Variants in LAMB4 observed in about 807,000 individuals in gnomAD.
LAMB4 encodes laminin subunit beta-4.
LAMB4 carries 196 observed loss-of-function variants against 199.2 expected under a neutral mutation model. That is an observed-to-expected ratio of 0.98 (90% CI 0.88 to 1.11). The LOEUF (loss-of-function observed/expected upper bound fraction) is 1.11. Ranked by LOEUF, LAMB4 falls within the 50% of genes least tolerant of loss-of-function variation. The pLI, the probability that LAMB4 is intolerant of heterozygous loss-of-function variation, is 0.00. For synonymous variants in LAMB4, 744 were observed against 770.6 expected (o/e 0.97, Z 0.57); for missense variants, 2,080 against 2,171.2 (o/e 0.96, Z 0.83).
In LAMB4 at chr7:108,095,269, A is replaced by G; in HGVS notation, c.1429T>C (p.Cys477Arg). Residue 477 changes from cysteine (C) to arginine (R), a missense_variant, in exon 12 of 34, where the codon TGC (cysteine) becomes CGC (arginine). By Grantham distance (180) the Cys-to-Arg change is radical. Coordinates refer to ENST00000388781, the MANE Select transcript of LAMB4 (RefSeq NM_007356.3). ...TCDVDTGQCLCLSYVTGAHCE... is the reference protein window; with the variant it reads ...TCDVDTGQCLRLSYVTGAHCE... ...TGTGCTCCGGTGACATATGACAGGC[A>G]CAAGCATTGGCCTGTATCCACATCA... The G allele has an allele frequency of 6.2e-7, 1 of 1,614,050 alleles. No homozygotes were observed. Among genetic ancestry groups the G allele is most frequent in the Non-Finnish European group, 8.5e-7 (1 of 1,179,970 alleles).
intron 14 of LAMB4, among the ~76,000 whole-genome samples, chr7:108,081,029 G>A (rs754354786): frequency 1.3e-5 from 2 of 152,190 alleles, no homozygotes; most frequent in Non-Finnish European, 2.9e-5. Flanking sequence ...GGCTAAGACA[G>A]GAGAATCGCT....
rs1420119289 is a variant in LAMB4, at chr7:108,055,930, C to G, written c.3457G>C (p.Val1153Leu). ...CAGCGATCACATCTCTGGCCGCTGA[C>G]ACCCTCCCGGCAGCGGCACATGCCT... is the stretch of plus-strand genomic sequence containing the variant. ...DTGMCRCREG[V>L]SGQRCDRCAR... is the part of the protein sequence containing the mutation. Residue 1153 changes from valine (V) to leucine (L), a missense_variant, in exon 25 of 34, where the codon GTC (valine) becomes CTC (leucine). By Grantham distance (32) the Val-to-Leu change is conservative. Coordinates refer to ENST00000388781, the MANE Select transcript of LAMB4 (RefSeq NM_007356.3). 1 of 1,614,204 alleles carries G rather than the reference C, an allele frequency of 6.2e-7. No homozygotes were observed. The highest frequency in any genetic ancestry group is 8.5e-7 in the Non-Finnish European group (1 of 1,180,018).
At chr7:108,123,785 CTGTACTAACAAA>C (rs1318582344) in intron 1 of LAMB4, among the ~76,000 whole-genome samples, 3 of 152,216 alleles carry the variant, frequency 2.0e-5, no homozygotes, top group Non-Finnish European at 4.4e-5. Context: ...AGGCATCTTT[CTGTACTAACAAA>C]TGCACTTTTA....
chr7:108,072,113 G>A lies in LAMB4; in HGVS notation c.2125-2228C>T, dbSNP rs149300030. 2.7e-4 allele frequency among the ~76,000 whole-genome samples: 41 copies of A among 152,258 alleles called. No homozygotes were observed. In the South Asian group the frequency reaches 8.1e-3, roughly 30 times the overall value. ...CATTTAGAAGGTTGCAGTCAGAAAC[G>A]TGGGACATTCTCACAAAATGGCCCT... On this transcript the variant is annotated intron_variant, in intron 17 of 33. Transcript: ENST00000388781.
At position 108,128,694 on chromosome 7, in the gene LAMB4, C is replaced by T. The variant is rs564138254; in HGVS notation, c.-34+1612G>A. ...ATAAAACCCACAGCTGCACATACAG[C>T]GCAATATCAGAAAATGTGGTAACCC... On this transcript the variant is annotated intron_variant, in intron 1 of 33. Coordinates refer to ENST00000388781, the MANE Select transcript of LAMB4 (RefSeq NM_007356.3). Among the ~76,000 whole-genome samples the T allele has an allele frequency of 2.6e-5, 4 of 152,292 alleles. No individual in the cohort carries two copies. The East Asian group carries it at 5.8e-4, about 22-fold the overall frequency.
intron 28 of LAMB4, among the ~76,000 whole-genome samples, chr7:108,046,918 TTTATTA>T (rs952847676): frequency 2.7e-5 from 4 of 150,932 alleles, no homozygotes; most frequent in Admixed American, 2.0e-4. Context: ...ATATATTTCT[TTTATTA>T]TTATTATTAT....
At chr7:108,062,731 C>T (rs1212661161) in intron 23 of LAMB4, 43 bp downstream of exon 23, 1 of 1,132,028 alleles carries the variant, frequency 8.8e-7, no homozygotes, top group Non-Finnish European at 1.2e-6. Context: ...GTCTCACTAT[C>T]ATGCTCACTT....
At chr7:108,084,981 C>A (rs2037114251) in intron 14 of LAMB4, among the ~76,000 whole-genome samples, 1 of 151,806 alleles carries the variant, frequency 6.6e-6, no homozygotes, top group Admixed American at 6.6e-5. Context: ...TCAAGTAATC[C>A]TCCCATCTCA....
intron 3 of LAMB4, among the ~76,000 whole-genome samples, chr7:108,114,164 T>C (rs2038329652): frequency 6.6e-6 from 1 of 152,204 alleles, no homozygotes; most frequent in Non-Finnish European, 1.5e-5. Context: ...GGCTCATGCC[T>C]GTAATTCCAG....
chr7:108,035,844 T>C (rs532712125), intron 30 of LAMB4, among the ~76,000 whole-genome samples: 3 of 148,606 alleles, frequency 2.0e-5, no homozygotes, highest in Non-Finnish European at 4.4e-5. Context: ...TTATTAAACA[T>C]CTTTTATCAA....
intron 32 of LAMB4, 87 bp from the exon 33 acceptor site, chr7:108,029,283 A>G: frequency 1.6e-6 from 2 of 1,225,036 alleles, no homozygotes; most frequent in Non-Finnish European, 2.3e-6. Flanking sequence ...CCATTCATAG[A>G]AGGAATACAG....
intron 25 of LAMB4, 51 bp from the exon 26 acceptor site, chr7:108,052,308 T>C (rs1025380846): frequency 2.1e-6 from 3 of 1,413,866 alleles, no homozygotes; most frequent in African/African-American, 1.4e-5. Context: ...ACATTTGATA[T>C]ATTGGTGAAA....
At chr7:108,124,403 A>C (rs1000556672) in intron 1 of LAMB4, among the ~76,000 whole-genome samples, 2 of 152,224 alleles carry the variant, frequency 1.3e-5, no homozygotes, top group African/African-American at 2.4e-5. Context: ...ATGGAGCAGA[A>C]ATAATGAGCC....
At chr7:108,044,143 A>T (rs2035536493) in intron 28 of LAMB4, 2 of 319,374 alleles carry the variant, frequency 6.3e-6, no homozygotes, top group Admixed American at 5.2e-5. Context: ...AGCACTAACG[A>T]ATTTTTCTAA....
intron 14 of LAMB4, among the ~76,000 whole-genome samples, chr7:108,085,588 G>A (rs1044762730): frequency 2.0e-5 from 3 of 152,008 alleles, no homozygotes; most frequent in Admixed American, 6.6e-5. Context: ...CACAAGCTCT[G>A]CATTGTTATT....
intron 30 of LAMB4, among the ~76,000 whole-genome samples, chr7:108,035,916 C>CA (rs1260552773): frequency 6.6e-6 from 1 of 150,838 alleles, no homozygotes; most frequent in East Asian, 1.9e-4. Context: ...TTCAGTGGTG[C>CA]AGTCTCAGCT....
At chr7:108,115,899 A>C in intron 3 of LAMB4, 105 bp downstream of exon 3, 1 of 1,246,512 alleles carries the variant, frequency 8.0e-7, no homozygotes. Flanking sequence ...ATTGTTTAAA[A>C]AGGAAGTTGT....
At chr7:108,063,278 T>C (rs1269816489) in intron 22 of LAMB4, among the ~76,000 whole-genome samples, 1 of 152,168 alleles carries the variant, frequency 6.6e-6, no homozygotes, top group Admixed American at 6.5e-5. Context: ...TCACCAAAGT[T>C]CCATTTATTT....
Position 108,029,014 on chromosome 7 carries a change from A to C in LAMB4, c.5146+29T>G, listed in dbSNP as rs1346355218. On this transcript the variant is annotated intron_variant, in intron 33 of 33. Coordinates refer to ENST00000388781, the MANE Select transcript of LAMB4 (RefSeq NM_007356.3). ...TAGAGTACCATGATGTTATTATCAAATTGGCAGGATGGATAAAAGAACAGA... is the reference window on the plus strand; with the variant it reads ...TAGAGTACCATGATGTTATTATCAACTTGGCAGGATGGATAAAAGAACAGA... 2.5e-6 allele frequency: 4 copies of C among 1,596,236 alleles called. No individual in the cohort carries two copies. The South Asian group carries it at 4.6e-5, about 18-fold the overall frequency.
Sources: allele counts gnomAD v4.1 joint callset (sites outside exome capture counted in the v4.1 genomes callset), GRCh38; gene constraint gnomAD v4.1.1; transcripts MANE v1.5; gene names NCBI Gene and HGNC (gene_info 2026-07-23, HGNC 2026-07-21).